Variants in ASPRV1 observed in about 807,000 individuals in gnomAD.
The protein encoded by ASPRV1 is aspartic peptidase retroviral like 1.
Under a neutral mutation model 11.0 loss-of-function variants are expected in ASPRV1, and 7 were observed. That is an observed-to-expected ratio of 0.64 (90% CI 0.36 to 1.20). The LOEUF (loss-of-function observed/expected upper bound fraction) is 1.20, where lower values mean the gene tolerates loss of function less well. Among genes scored for constraint, ASPRV1 ranks in the 50% most tolerant of loss-of-function variants. The pLI is 0.02. For missense variants in ASPRV1, 299 were observed against 320.0 expected, an observed-to-expected ratio of 0.93 and a Z score of 0.50; for synonymous variants, 136 against 138.4, an observed-to-expected ratio of 0.98 and a Z score of 0.12.
At chr2:70,064,159 GT>G in the ASPRV1 span, among the ~76,000 whole-genome samples, 2 of 152,184 alleles carry the variant, frequency 1.3e-5, no homozygotes, top group African/African-American at 4.8e-5. Flanking sequence ...ATTTTAGATG[GT>G]TCATCCAGGC....
chr2:70,086,928 G>A, the ASPRV1 span: 1 of 152,226 alleles, frequency 6.6e-6, no homozygotes, highest in South Asian at 2.1e-4. Context: ...TCCATGCAGG[G>A]CGCCCGGACG....
chr2:69,999,655 CAA>C, the ASPRV1 span, among the ~76,000 whole-genome samples: 816 of 54,002 alleles, frequency 0.015, 5 homozygotes, highest in African/African-American at 0.046. Context: ...GACTCTGTCT[CAA>C]AAAAAAAAAA....
At chr2:69,995,299 G>T in the ASPRV1 span, 2 of 144,670 alleles carry the variant, frequency 1.4e-5, no homozygotes, top group African/African-American at 2.6e-5. Flanking sequence ...TGAGGCAGAA[G>T]AATGGTGCGA....
At chr2:70,017,133 G>T in the ASPRV1 span, among the ~76,000 whole-genome samples, 2 of 152,082 alleles carry the variant, frequency 1.3e-5, no homozygotes, top group African/African-American at 2.4e-5. Flanking sequence ...TGGGACTACA[G>T]GTGCCCACCA....
At chr2:69,986,035 G>A in the ASPRV1 span, among the ~76,000 whole-genome samples, 1 of 152,204 alleles carries the variant, frequency 6.6e-6, no homozygotes, top group Non-Finnish European at 1.5e-5. Flanking sequence ...CTCACTGTCG[G>A]GACAGGGGGA....
At chr2:70,060,161 G>A in the ASPRV1 span, 1 of 151,858 alleles carries the variant, frequency 6.6e-6, no homozygotes, top group Non-Finnish European at 1.5e-5. Context: ...GGCCAACATG[G>A]TAAAACCCAT....
chr2:70,032,765 G>C, the ASPRV1 span, among the ~76,000 whole-genome samples: 1 of 152,130 alleles, frequency 6.6e-6, no homozygotes, highest in Non-Finnish European at 1.5e-5. Context: ...ATCCTACTCA[G>C]CAATGGTGTG....
At chr2:70,074,599 A>C in the ASPRV1 span, among the ~76,000 whole-genome samples, 1 of 151,772 alleles carries the variant, frequency 6.6e-6, no homozygotes, top group Non-Finnish European at 1.5e-5. Context: ...TTAATGAATA[A>C]GGACCATAAA....
the ASPRV1 span, among the ~76,000 whole-genome samples, chr2:69,987,582 CAAAAAAA>C: frequency 3.3e-3 from 158 of 48,358 alleles, 1 homozygote; most frequent in East Asian, 0.041. Context: ...CTCATCTCTA[CAAAAAAA>C]AAAAAAAAAA....
At chr2:69,956,478 AAAG>A (rs1677942494), downstream of ASPRV1, among the ~76,000 whole-genome samples, 2 of 124,432 alleles carry the variant, frequency 1.6e-5, no homozygotes, top group African/African-American at 7.9e-5. Flanking sequence ...AAGAAGAAGA[AAAG>A]AGGAAGAAGA....
the ASPRV1 span, among the ~76,000 whole-genome samples, chr2:69,990,934 T>C: frequency 6.6e-6 from 1 of 152,154 alleles, no homozygotes; most frequent in African/African-American, 2.4e-5. Context: ...ATCTTGAGAC[T>C]GTGTAGACCC....
At chr2:69,946,256 T>G in the ASPRV1 span, among the ~76,000 whole-genome samples, 1 of 152,020 alleles carries the variant, frequency 6.6e-6, no homozygotes, top group East Asian at 1.9e-4. Flanking sequence ...GCTGGCCAAG[T>G]GGAAATAGAA....
chr2:69,983,255 C>G, the ASPRV1 span, among the ~76,000 whole-genome samples: 2 of 152,196 alleles, frequency 1.3e-5, no homozygotes, highest in Non-Finnish European at 2.9e-5. Context: ...CTCATTGGAG[C>G]GTCTTGTACT....
the ASPRV1 span, among the ~76,000 whole-genome samples, chr2:69,997,639 C>T: frequency 6.6e-6 from 1 of 152,228 alleles, no homozygotes; most frequent in South Asian, 2.1e-4. Flanking sequence ...TGCTCTCTGG[C>T]AGGGGCCGCC....
At chr2:69,996,058 A>T in the ASPRV1 span, among the ~76,000 whole-genome samples, 1 of 151,926 alleles carries the variant, frequency 6.6e-6, no homozygotes, top group South Asian at 2.1e-4. Flanking sequence ...ACAACTTCAT[A>T]GTGCCTGTTT....
the ASPRV1 span, among the ~76,000 whole-genome samples, chr2:69,987,582 CAAA>C: frequency 2.1e-5 from 1 of 48,348 alleles, no homozygotes. Context: ...CTCATCTCTA[CAAA>C]AAAAAAAAAA....
the ASPRV1 span, chr2:69,995,345 C>A: frequency 1.3e-5 from 2 of 150,722 alleles, no homozygotes; most frequent in Non-Finnish European, 1.5e-5. Context: ...GCCAAGATCA[C>A]GCCACTGCAC....
At chr2:69,969,711 T>C in the ASPRV1 span, among the ~76,000 whole-genome samples, 1 of 152,130 alleles carries the variant, frequency 6.6e-6, no homozygotes. Context: ...ACAGTGAACA[T>C]GCTGTCTTCT....
the ASPRV1 span, among the ~76,000 whole-genome samples, chr2:70,010,509 G>C: frequency 6.6e-6 from 1 of 152,150 alleles, no homozygotes; most frequent in African/African-American, 2.4e-5. Context: ...TGATGACAAT[G>C]AATACAGGGG....
Sources: allele counts gnomAD v4.1 joint callset (sites outside exome capture counted in the v4.1 genomes callset), GRCh38; gene constraint gnomAD v4.1.1; transcripts MANE v1.5; gene names NCBI Gene and HGNC (gene_info 2026-07-23, HGNC 2026-07-21).